TFDP2: variants seen among roughly 807,000 people sequenced by gnomAD.
TFDP2 encodes the protein transcription factor Dp-2 (E2F dimerization partner 2).
Under a neutral mutation model 59.3 loss-of-function variants are expected in TFDP2, and 17 were observed. That is an observed-to-expected ratio of 0.29 (90% CI 0.20 to 0.43). The LOEUF is 0.43. Ranked by LOEUF, TFDP2 falls within the 20% of genes least tolerant of loss-of-function variation. The pLI, the probability that TFDP2 is intolerant of heterozygous loss-of-function variation, is 1.00. For synonymous variants in TFDP2, 180 were observed against 194.7 expected (o/e 0.92, Z 0.63); for missense variants, 391 against 528.8 (o/e 0.74, Z 2.56).
intron 1 of TFDP2, among the ~76,000 whole-genome samples, chr3:142,110,163 C>T (rs1489364382): frequency 6.6e-6 from 1 of 152,078 alleles, no homozygotes; most frequent in East Asian, 1.9e-4. Flanking sequence ...GGATTACAAG[C>T]ATGAGCCACC....
intron 1 of TFDP2, among the ~76,000 whole-genome samples, chr3:142,129,297 C>T (rs2062401440): frequency 6.6e-6 from 1 of 151,570 alleles, no homozygotes. Context: ...GAGGAAGTAA[C>T]AGCTAAAAAT....
intron 1 of TFDP2, among the ~76,000 whole-genome samples, chr3:142,105,768 CTAAG>C (rs1051149568): frequency 2.0e-5 from 3 of 152,178 alleles, no homozygotes; most frequent in African/African-American, 7.2e-5. Flanking sequence ...ACTGGAATCT[CTAAG>C]TATTACCTAA....
At chr3:142,093,468 G>C (rs2061064377) in intron 2 of TFDP2, among the ~76,000 whole-genome samples, 1 of 151,568 alleles carries the variant, frequency 6.6e-6, no homozygotes, top group African/African-American at 2.4e-5. Flanking sequence ...AAAAAGGTGA[G>C]GGGAATATGA....
In TFDP2 at chr3:141,945,905, T is replaced by C. The variant is rs1576415093; in HGVS notation, c.*6608A>G. ...AGGACCAGTTGGTCACTGAACTTCT[T>C]GGGCCCCTGCCAATGGCCAGCATGG... On this transcript the variant is annotated 3_prime_UTR_variant, in exon 13 of 13. Coordinates refer to ENST00000489671, the MANE Select transcript of TFDP2 (RefSeq NM_001178139.2). The C allele has an allele frequency of 6.6e-6, 1 of 152,266 alleles. No individual in the cohort carries two copies. The highest frequency in any genetic ancestry group is 1.5e-5 in the Non-Finnish European group (1 of 68,066). 9.4% of individuals were successfully genotyped at this position (152,266 alleles called of 1,614,324 possible).
intron 6 of TFDP2, among the ~76,000 whole-genome samples, chr3:141,988,265 T>C (rs9871464): frequency 0.079 from 12,076 of 152,232 alleles, 660 homozygotes; most frequent in African/African-American, 0.16. Context: ...TTTTTGCCAA[T>C]TGTCTTTAAC....
intron 3 of TFDP2, among the ~76,000 whole-genome samples, chr3:142,030,074 G>A (rs1946348676): frequency 1.3e-5 from 2 of 152,218 alleles, no homozygotes; most frequent in Admixed American, 1.3e-4. Flanking sequence ...GTCTAAAACA[G>A]TGTCTGTTAG....
At chr3:141,974,944 C>T (rs1291644815) in intron 7 of TFDP2, among the ~76,000 whole-genome samples, 2 of 122,496 alleles carry the variant, frequency 1.6e-5, no homozygotes, top group Admixed American at 9.8e-5. Flanking sequence ...GACAGTGTCT[C>T]GCTCTCTCGC....
At chr3:141,999,328 T>C (rs575448153) in intron 4 of TFDP2, among the ~76,000 whole-genome samples, 1 of 152,348 alleles carries the variant, frequency 6.6e-6, no homozygotes, top group Non-Finnish European at 1.5e-5. Context: ...TGAAATAACA[T>C]TAATATAACA....
chr3:142,020,998 T>C (rs1467650155), intron 3 of TFDP2, among the ~76,000 whole-genome samples: 1 of 148,522 alleles, frequency 6.7e-6, no homozygotes, highest in African/African-American at 2.5e-5. Flanking sequence ...AAAAAAAAAA[T>C]AGTTTTCACT....
intron 3 of TFDP2, among the ~76,000 whole-genome samples, chr3:142,073,200 G>C (rs763423927): frequency 2.0e-4 from 31 of 152,268 alleles, no homozygotes; most frequent in Admixed American, 3.3e-4. Flanking sequence ...CTCCTGAGTA[G>C]CTAGGAGTAC....
At chr3:141,968,288 TATATATA>T (rs570914695) in intron 9 of TFDP2, among the ~76,000 whole-genome samples, 3,267 of 127,834 alleles carry the variant, frequency 0.026, 227 homozygotes, top group African/African-American at 0.092. Context: ...TATATAACAA[TATATATA>T]ATATATAATA....
At chr3:141,975,669 G>A (rs1412435644) in intron 7 of TFDP2, among the ~76,000 whole-genome samples, 7 of 149,592 alleles carry the variant, frequency 4.7e-5, no homozygotes, top group African/African-American at 1.7e-4. Flanking sequence ...ACTCCAGTCT[G>A]GGTGACAGAG....
At chr3:142,075,627 G>C (rs1017878959) in intron 3 of TFDP2, among the ~76,000 whole-genome samples, 4 of 150,256 alleles carry the variant, frequency 2.7e-5, no homozygotes, top group African/African-American at 9.8e-5. Flanking sequence ...CACACATGGT[G>C]TCTCATGACT....
chr3:142,128,271 CAT>C (rs1352789500), intron 1 of TFDP2, among the ~76,000 whole-genome samples: 1 of 152,170 alleles, frequency 6.6e-6, no homozygotes, highest in African/African-American at 2.4e-5. Context: ...CTTTTAAGGA[CAT>C]AGAAACTAGG....
At chr3:141,974,562 TA>T (rs1940311255) in intron 7 of TFDP2, among the ~76,000 whole-genome samples, 1 of 152,166 alleles carries the variant, frequency 6.6e-6, no homozygotes, top group Non-Finnish European at 1.5e-5. Context: ...AATATGTGGG[TA>T]AATCTCAATT....
chr3:141,986,727 C>T lies in TFDP2; in HGVS notation c.356+6811G>A, dbSNP rs1244339473. 3.9e-5 allele frequency among the ~76,000 whole-genome samples: 6 copies of T among 152,300 alleles called. No homozygotes were observed. In the East Asian group the frequency reaches 1.2e-3, roughly 29 times the overall value. On this transcript the variant is annotated intron_variant, in intron 6 of 12. Transcript: ENST00000489671. ...ATTCAACTTCAGCAGACACTGCTAA[C>T]TCCCAAAATGACTGTACCAGTTTTT...
chr3:141,981,304 T>C (rs1941461351), intron 6 of TFDP2, among the ~76,000 whole-genome samples: 1 of 152,314 alleles, frequency 6.6e-6, no homozygotes, highest in South Asian at 2.1e-4. Flanking sequence ...CCTAAGTGTG[T>C]AGCAGGCTAT....
intron 4 of TFDP2, among the ~76,000 whole-genome samples, chr3:141,998,278 G>A (rs1160339555): frequency 6.6e-6 from 1 of 152,154 alleles, no homozygotes; most frequent in Non-Finnish European, 1.5e-5. Flanking sequence ...ATAGGGTGAT[G>A]AGCCGGTCAT....
At chr3:142,007,929 C>G (rs1944344772) in intron 3 of TFDP2, among the ~76,000 whole-genome samples, 1 of 152,194 alleles carries the variant, frequency 6.6e-6, no homozygotes, top group Non-Finnish European at 1.5e-5. Flanking sequence ...CTGCCACTCA[C>G]CTCCTGCTGT....
Sources: gnomAD v4.1 joint callset for allele counts (sites outside exome capture counted in the v4.1 genomes callset) on GRCh38, gnomAD v4.1.1 for gene constraint, MANE v1.5 for transcripts, NCBI Gene and HGNC (gene_info 2026-07-23, HGNC 2026-07-21) for gene names.